PUM1: variants seen among roughly 807,000 people sequenced by gnomAD.
PUM1 encodes the protein pumilio RNA binding family member 1.
A neutral mutation model predicts 131.8 loss-of-function variants in PUM1; 13 were observed. That is an observed-to-expected ratio of 0.10 (90% CI 0.06 to 0.16). PUM1 has a LOEUF of 0.16. Ranked by LOEUF, PUM1 falls within the 10% of genes least tolerant of loss-of-function variation. The probability of loss-of-function intolerance (pLI) is 1.00; values close to 1 mark genes in which losing one functional copy is unlikely to be tolerated. For synonymous variants in PUM1, 509 were observed against 556.5 expected (o/e 0.91, Z 1.20); for missense variants, 961 against 1,512.4 (o/e 0.64, Z 6.05).
At chr1:31,059,181 TAA>T (rs746588014) in intron 2 of PUM1, 21 bp downstream of exon 2, 22 of 1,537,048 alleles carry the variant, frequency 1.4e-5, no homozygotes, top group Non-Finnish European at 1.8e-5. Context: ...ATGTCAAAGC[TAA>T]AATAGTGAAC....
intron 21 of PUM1, among the ~76,000 whole-genome samples, chr1:30,933,857 T>TGACA (rs1204870339): frequency 6.6e-6 from 1 of 152,132 alleles, no homozygotes; most frequent in Admixed American, 6.5e-5. Flanking sequence ...AGCTAATCAA[T>TGACA]GACAAGAAGA....
rs547579895 is a variant in PUM1, at chr1:30,955,371, GC to G, written c.2324-1391del. Among the ~76,000 whole-genome samples, 605 of 150,712 alleles carry G rather than the reference GC, an allele frequency of 4.0e-3. 3 individuals are homozygous for G. The highest frequency in any genetic ancestry group is 0.014 in the African/African-American group (584 of 41,144). On this transcript the variant is annotated intron_variant, in intron 14 of 21. Coordinates refer to ENST00000426105, the MANE Select transcript of PUM1 (RefSeq NM_001020658.2). ...AATCCCAGCTACTTGGGAGGCTGAG[GC>G]AGGAGAATGGCGAACCCCGGAGGCA... is the stretch of plus-strand genomic sequence containing the variant.
intron 2 of PUM1, among the ~76,000 whole-genome samples, chr1:31,038,911 G>C (rs1643703465): frequency 7.7e-6 from 1 of 129,940 alleles, no homozygotes; most frequent in Admixed American, 8.3e-5. Flanking sequence ...AATTATTAAA[G>C]CATATACTTA....
At chr1:30,989,466 G>A (rs1641694375) in intron 7 of PUM1, among the ~76,000 whole-genome samples, 3 of 150,836 alleles carry the variant, frequency 2.0e-5, no homozygotes, top group Admixed American at 6.6e-5. Context: ...CAGCTACTCG[G>A]GAGGCTGAGG....
chr1:31,027,488 T>C (rs1032099855), intron 3 of PUM1, among the ~76,000 whole-genome samples: 5 of 152,198 alleles, frequency 3.3e-5, no homozygotes, highest in African/African-American at 1.2e-4. Context: ...GGTTTATTGA[T>C]TTGCATTGTG....
At chr1:30,957,810 T>G (rs1442028458) in intron 14 of PUM1, among the ~76,000 whole-genome samples, 1 of 152,224 alleles carries the variant, frequency 6.6e-6, no homozygotes, top group African/African-American at 2.4e-5. Context: ...CAGTATCTAG[T>G]TCTGTGTTTA....
At chr1:31,048,594 C>A (rs945272581) in intron 2 of PUM1, among the ~76,000 whole-genome samples, 12 of 151,740 alleles carry the variant, frequency 7.9e-5, no homozygotes, top group Admixed American at 6.6e-4. Context: ...CCTGCCTCAG[C>A]CTCCCAAGTA....
At chr1:30,969,339 A>C (rs1425683698) in intron 10 of PUM1, among the ~76,000 whole-genome samples, 2 of 151,030 alleles carry the variant, frequency 1.3e-5, no homozygotes, top group Non-Finnish European at 3.0e-5. Flanking sequence ...AAAAAAAAGA[A>C]AAAAAAAGAG....
chr1:31,035,016 T>A (rs1643558804), intron 2 of PUM1, among the ~76,000 whole-genome samples: 1 of 152,198 alleles, frequency 6.6e-6, no homozygotes, highest in Admixed American at 6.5e-5. Flanking sequence ...GAAAAAAACC[T>A]AGTAAATCTG....
In PUM1 at chr1:30,932,008, G is replaced by A. The variant is rs1638989104; in HGVS notation, c.*1203C>T. On this transcript the variant is annotated 3_prime_UTR_variant, in exon 22 of 22. Transcript: ENST00000426105. ...GAGACTAGATGACAAATAAAACCAAGCTATTTTTTTCTTTTTAAACATTAA... is the reference window on the plus strand; with the variant it reads ...GAGACTAGATGACAAATAAAACCAAACTATTTTTTTCTTTTTAAACATTAA... 6.6e-6 allele frequency: 1 copy of A among 152,404 alleles called. No homozygotes were observed. Among genetic ancestry groups the A allele is most frequent in the African/African-American group, 2.4e-5 (1 of 41,376 alleles). The allele number at this position is 152,404 out of a possible 1,614,324, so 9.4% of individuals were successfully genotyped here.
intron 3 of PUM1, among the ~76,000 whole-genome samples, chr1:31,013,768 T>C (rs938952258): frequency 2.6e-5 from 4 of 152,206 alleles, no homozygotes; most frequent in African/African-American, 9.7e-5. Flanking sequence ...GTCTTACTTG[T>C]AAAAATTTTG....
chr1:30,963,468 C>T (rs1185125292), intron 14 of PUM1, among the ~76,000 whole-genome samples: 6 of 152,278 alleles, frequency 3.9e-5, no homozygotes, highest in South Asian at 2.1e-4. Context: ...CTTCAGGATA[C>T]GCACACACAT....
chr1:30,940,819 T>C (rs879839360), intron 20 of PUM1, among the ~76,000 whole-genome samples: 1 of 152,188 alleles, frequency 6.6e-6, no homozygotes, highest in Non-Finnish European at 1.5e-5. Flanking sequence ...TAAACTGCCT[T>C]TCTTTCAGGT....
intron 17 of PUM1, among the ~76,000 whole-genome samples, chr1:30,946,688 T>A (rs944682618): frequency 3.2e-4 from 48 of 148,320 alleles, no homozygotes; most frequent in African/African-American, 1.1e-3. Context: ...ATATATATAA[T>A]AAAAACAATA....
intron 3 of PUM1, among the ~76,000 whole-genome samples, chr1:31,028,196 A>C (rs1263780820): frequency 6.6e-6 from 1 of 152,218 alleles, no homozygotes; most frequent in Non-Finnish European, 1.5e-5. Flanking sequence ...TTGTTTCTGC[A>C]AATTTTAAAC....
In PUM1 at chr1:30,967,316, A is replaced by C; in HGVS notation, c.1646-6T>G. 1 of 1,611,458 alleles carries C rather than the reference A, an allele frequency of 6.2e-7. No homozygotes were observed. Among genetic ancestry groups the C allele is most frequent in the African/African-American group, 1.3e-5 (1 of 74,962 alleles). On this transcript the variant is annotated splice_polypyrimidine_tract_variant and splice_region_variant and intron_variant, in intron 11 of 21. Transcript: ENST00000426105. The stretch of plus-strand genomic sequence containing the variant: ...AGGAGCCAACACCGGATAACCTAGG[A>C]ATATCAAGCCAACAAAGAAATGTAT...
chr1:30,965,293 A>G (rs975395922), intron 13 of PUM1, among the ~76,000 whole-genome samples: 2 of 152,230 alleles, frequency 1.3e-5, no homozygotes, highest in African/African-American at 4.8e-5. Flanking sequence ...TAAATGGGGT[A>G]CTGCCCCACT....
At chr1:31,019,189 T>G (rs1282746197) in intron 3 of PUM1, among the ~76,000 whole-genome samples, 1 of 151,992 alleles carries the variant, frequency 6.6e-6, no homozygotes, top group Non-Finnish European at 1.5e-5. Flanking sequence ...CCCGCCTCCA[T>G]TAGAAGTACA....
At chr1:30,938,944 C>CAGACAGACAGAT (rs1461475922) in intron 20 of PUM1, among the ~76,000 whole-genome samples, 1 of 149,474 alleles carries the variant, frequency 6.7e-6, no homozygotes, top group East Asian at 2.0e-4. Flanking sequence ...GACAGACAGA[C>CAGACAGACAGAT]AGATAGACAG....
Sources: allele counts gnomAD v4.1 joint callset (sites outside exome capture counted in the v4.1 genomes callset), GRCh38; gene constraint gnomAD v4.1.1; transcripts MANE v1.5; gene names NCBI Gene and HGNC (gene_info 2026-07-23, HGNC 2026-07-21).